The following RBFOX1 variants were observed in gnomAD, a reference collection of about 807,000 sequenced individuals.
RBFOX1 encodes RNA binding fox-1 homolog 1, also known as RNA binding protein fox-1 homolog 1.
In RBFOX1, 8 loss-of-function variants were observed where a neutral mutation model predicts 57.7. That is an observed-to-expected ratio of 0.14 (90% CI 0.08 to 0.25). The LOEUF (loss-of-function observed/expected upper bound fraction) is 0.25, where lower values mean the gene tolerates loss of function less well. RBFOX1 is among the 10% of genes least tolerant of loss of function. The pLI is 1.00. For missense variants in RBFOX1, 611 were observed against 548.5 expected (o/e 1.11, Z -1.14); for synonymous variants, 326 against 222.4 (o/e 1.47, Z -4.15).
intron 1 of RBFOX1, among the ~76,000 whole-genome samples, chr16:5,259,824 A>T (rs1363561090): frequency 3.3e-5 from 5 of 151,954 alleles, no homozygotes; most frequent in Non-Finnish European, 5.9e-5. Context: ...AGTTGATTGA[A>T]CTCAAGTTTT....
intron 4 of RBFOX1, among the ~76,000 whole-genome samples, chr16:5,966,544 G>C (rs1020666522): frequency 3.9e-5 from 6 of 152,106 alleles, no homozygotes; most frequent in Non-Finnish European, 5.9e-5. Context: ...TGCAATCTCC[G>C]CCTCCCAGGT....
intron 3 of RBFOX1, among the ~76,000 whole-genome samples, chr16:6,894,157 C>G (rs904555068): frequency 6.6e-6 from 1 of 152,198 alleles, no homozygotes; most frequent in East Asian, 1.9e-4. Context: ...ATAATTGCTA[C>G]CTATCTCTTG....
At chr16:5,526,187 T>G (rs1294116465) in intron 2 of RBFOX1, among the ~76,000 whole-genome samples, 2 of 152,158 alleles carry the variant, frequency 1.3e-5, no homozygotes, top group African/African-American at 4.8e-5. Context: ...GTTAATTTCA[T>G]TGTTATCCTT....
intron 1 of RBFOX1, among the ~76,000 whole-genome samples, chr16:5,429,665 G>C (rs2067670229): frequency 6.6e-6 from 1 of 152,192 alleles, no homozygotes; most frequent in Admixed American, 6.5e-5. Context: ...GGCCTGGATA[G>C]TTCAACCCTA....
intron 4 of RBFOX1, among the ~76,000 whole-genome samples, chr16:7,138,935 A>G (rs1441372673): frequency 6.6e-6 from 1 of 152,056 alleles, no homozygotes; most frequent in Non-Finnish European, 1.5e-5. Flanking sequence ...CAGCCTCCCA[A>G]GTAGCTAAGA....
At chr16:5,302,979 C>A (rs1461960463) in intron 1 of RBFOX1, among the ~76,000 whole-genome samples, 2 of 152,138 alleles carry the variant, frequency 1.3e-5, no homozygotes, top group Non-Finnish European at 1.5e-5. Context: ...CTTTTATTTT[C>A]TATTTGTATC....
intron 4 of RBFOX1, among the ~76,000 whole-genome samples, chr16:7,257,962 C>A (rs534491281): frequency 6.6e-6 from 1 of 152,310 alleles, no homozygotes; most frequent in African/African-American, 2.4e-5. Context: ...GAAAGCTGAA[C>A]AGAGCCTAAT....
intron 4 of RBFOX1, among the ~76,000 whole-genome samples, chr16:7,209,812 T>C (rs1179043977): frequency 1.3e-5 from 2 of 152,056 alleles, no homozygotes; most frequent in Non-Finnish European, 2.9e-5. Context: ...GAATGGATGA[T>C]GCAATAGATG....
At chr16:5,819,901 C>A (rs1285044702) in intron 3 of RBFOX1, among the ~76,000 whole-genome samples, 1 of 152,204 alleles carries the variant, frequency 6.6e-6, no homozygotes, top group Non-Finnish European at 1.5e-5. Context: ...ATTCATCACT[C>A]ACCTCCGTTA....
chr16:6,109,172 T>G (rs1183016711), intron 1 of RBFOX1, among the ~76,000 whole-genome samples: 1 of 152,182 alleles, frequency 6.6e-6, no homozygotes, highest in Non-Finnish European at 1.5e-5. Context: ...AATCGTGGCT[T>G]TTGTTTTCTG....
intron 1 of RBFOX1, among the ~76,000 whole-genome samples, chr16:5,295,655 C>T (rs1358404129): frequency 1.3e-5 from 2 of 152,188 alleles, no homozygotes; most frequent in African/African-American, 4.8e-5. Context: ...GACATGGCAG[C>T]TCACATCTTC....
chr16:7,469,587 T>A (rs777562374), intron 4 of RBFOX1, among the ~76,000 whole-genome samples: 2 of 152,210 alleles, frequency 1.3e-5, no homozygotes, highest in African/African-American at 2.4e-5. Flanking sequence ...TATTGAAAAG[T>A]TGTGATATAG....
At chr16:7,068,675 C>A (rs1318524847) in intron 4 of RBFOX1, among the ~76,000 whole-genome samples, 1 of 152,104 alleles carries the variant, frequency 6.6e-6, no homozygotes, top group Non-Finnish European at 1.5e-5. Context: ...CAACCTCTGC[C>A]CCTCCGGGTT....
At chr16:7,702,530 T>A (rs1220644520) in intron 14 of RBFOX1, among the ~76,000 whole-genome samples, 1 of 152,216 alleles carries the variant, frequency 6.6e-6, no homozygotes, top group East Asian at 1.9e-4. Context: ...TAACAGTTTA[T>A]GATTGACAAC....
At chr16:7,308,293 A>G in intron 4 of RBFOX1, among the ~76,000 whole-genome samples, 2 of 42,264 alleles carry the variant, frequency 4.7e-5, no homozygotes, top group South Asian at 1.3e-3. Flanking sequence ...TTCCACCCAG[A>G]GCTGTTTTTT....
chr16:5,339,474 T>TTTTTTTG (rs1567355001), intron 1 of RBFOX1, among the ~76,000 whole-genome samples: 2 of 80,344 alleles, frequency 2.5e-5, no homozygotes, highest in Non-Finnish European at 4.5e-5. Flanking sequence ...TTCCGTGTTT[T>TTTTTTTG]TTTTTTTTTT....
At chr16:6,877,281 C>G (rs893943627) in intron 3 of RBFOX1, among the ~76,000 whole-genome samples, 4 of 152,140 alleles carry the variant, frequency 2.6e-5, no homozygotes, top group Non-Finnish European at 5.9e-5. Flanking sequence ...GATGGGTTGA[C>G]TTGGAGGTAT....
At chr16:6,162,010 A>C (rs543812791) in intron 1 of RBFOX1, among the ~76,000 whole-genome samples, 12 of 152,264 alleles carry the variant, frequency 7.9e-5, no homozygotes, top group South Asian at 2.1e-4. Context: ...TTTTTTTCTT[A>C]GTTATTAACC....
At chr16:5,341,814 A>G (rs1031415258) in intron 1 of RBFOX1, among the ~76,000 whole-genome samples, 4 of 152,150 alleles carry the variant, frequency 2.6e-5, no homozygotes, top group African/African-American at 9.7e-5. Flanking sequence ...GGGAACACGG[A>G]GTTCTCTTCG....
Sources: allele counts gnomAD v4.1 joint callset (sites outside exome capture counted in the v4.1 genomes callset), GRCh38; gene constraint gnomAD v4.1.1; transcripts MANE v1.5; gene names NCBI Gene and HGNC (gene_info 2026-07-23, HGNC 2026-07-21).